Variants in CLYBL observed in about 807,000 individuals in gnomAD.
CLYBL encodes citramalyl-CoA lyase.
A neutral mutation model predicts 38.9 loss-of-function variants in CLYBL; 31 were observed. That is an observed-to-expected ratio of 0.80 (90% CI 0.60 to 1.08). CLYBL has a LOEUF of 1.08. CLYBL is among the 50% of genes least tolerant of loss of function. CLYBL has a pLI of 0.00. For synonymous variants in CLYBL, 171 were observed against 158.6 expected (o/e 1.08, Z -0.59); for missense variants, 434 against 411.6 (o/e 1.05, Z -0.47).
chr13:99,728,698 G>A (rs1890465963), intron 1 of CLYBL, among the ~76,000 whole-genome samples: 1 of 152,006 alleles, frequency 6.6e-6, no homozygotes, highest in African/African-American at 2.4e-5. Flanking sequence ...ACGTAGCTGG[G>A]ACCACAGTTG....
chr13:99,742,173 G>A (rs368971149), intron 1 of CLYBL, among the ~76,000 whole-genome samples: 4 of 152,242 alleles, frequency 2.6e-5, no homozygotes, highest in East Asian at 1.9e-4. Context: ...TGGAGCACTC[G>A]GTTCCGGGAG....
chr13:99,887,853 TG>T (rs1042549396), intron 7 of CLYBL, among the ~76,000 whole-genome samples: 8 of 99,588 alleles, frequency 8.0e-5, no homozygotes, highest in Admixed American at 4.8e-4. Context: ...TTCAGGGATT[TG>T]GGGTTTTTTT....
chr13:99,791,370 A>G (rs1401515369), intron 2 of CLYBL, among the ~76,000 whole-genome samples: 1 of 148,858 alleles, frequency 6.7e-6, no homozygotes. Flanking sequence ...TAAAAAAAAA[A>G]CAAACAAAAA....
intron 1 of CLYBL, among the ~76,000 whole-genome samples, chr13:99,711,786 G>T (rs1217576477): frequency 6.8e-6 from 1 of 148,100 alleles, no homozygotes; most frequent in Non-Finnish European, 1.5e-5. Context: ...TGCCATCTTG[G>T]CTCACGGCAA....
rs113940254 is a variant in CLYBL at position 99,870,908 on chromosome 13, G to A, written c.803-30G>A. ...TGTTTGAACATCTGTTCGTTGTTTC[G>A]TGGTTCCGATGTTATTAATATTCTT... On this transcript the variant is annotated intron_variant, in intron 6 of 8. Transcript: ENST00000339105. 1,147 of 1,566,214 alleles carry A rather than the reference G, an allele frequency of 7.3e-4. 13 individuals carry two copies. In the African/African-American group the frequency reaches 0.014, roughly 19 times the overall value.
intron 7 of CLYBL, among the ~76,000 whole-genome samples, chr13:99,888,474 G>T (rs1401826405): frequency 6.6e-6 from 1 of 152,182 alleles, no homozygotes; most frequent in Non-Finnish European, 1.5e-5. Flanking sequence ...ATGAGGCCAT[G>T]CGCAGTGGCT....
chr13:99,893,476 C>T (rs540918799), downstream of CLYBL: 5 of 152,532 alleles, frequency 3.3e-5, no homozygotes, highest in African/African-American at 1.2e-4. Flanking sequence ...CTGCCATACG[C>T]ACCCGCTGAG....
chr13:99,631,963 A>G (rs1318527585), intron 1 of CLYBL, among the ~76,000 whole-genome samples: 1 of 152,214 alleles, frequency 6.6e-6, no homozygotes, highest in Non-Finnish European at 1.5e-5. Context: ...TCAGGCAGAA[A>G]CTGGAGGAGA....
At chr13:99,752,123 C>A (rs1242636368) in intron 1 of CLYBL, among the ~76,000 whole-genome samples, 1 of 152,182 alleles carries the variant, frequency 6.6e-6, no homozygotes, top group African/African-American at 2.4e-5. Flanking sequence ...CAGGCACTCT[C>A]ATATGCCGCT....
intron 7 of CLYBL, among the ~76,000 whole-genome samples, chr13:99,883,689 T>G (rs2052275664): frequency 6.6e-6 from 1 of 152,138 alleles, no homozygotes; most frequent in African/African-American, 2.4e-5. Flanking sequence ...CCCTTAGTTT[T>G]GTGTGTCTGT....
At chr13:99,614,388 A>G (rs2046675497) in intron 1 of CLYBL, among the ~76,000 whole-genome samples, 4 of 152,196 alleles carry the variant, frequency 2.6e-5, no homozygotes, top group East Asian at 1.9e-4. Context: ...AGGCAGTTGT[A>G]TGCACATCAT....
Position 99,606,740 on chromosome 13 carries a change from G to T in CLYBL, c.45G>T (p.Ala15=). The change falls in exon 1 of 9, where the codon GCG becomes GCT. Residue 15 remains alanine (A), a synonymous_variant. Transcript: ENST00000339105. ...LLRRAARGAA[A]AALLRLKASL... Reference sequence around the variant, plus strand: ...GGAGGGCGGCGCGCGGAGCTGCGGCGGCGGCGCTGCTGAGGCTGTGAGTGC... The same window carrying T: ...GGAGGGCGGCGCGCGGAGCTGCGGCTGCGGCGCTGCTGAGGCTGTGAGTGC... 1.3e-6 allele frequency: 2 copies of T among 1,485,760 alleles called. No individual in the cohort carries two copies. The highest frequency in any genetic ancestry group is 1.8e-6 in the Non-Finnish European group (2 of 1,123,978). The allele number at this position is 1,485,760 out of a possible 1,614,324, so 92.0% of individuals were successfully genotyped here. A position where few individuals can be genotyped will look rare whatever the true frequency, so the allele number is the denominator to read the frequency against.
intron 1 of CLYBL, among the ~76,000 whole-genome samples, chr13:99,700,467 C>T (rs1406590153): frequency 6.6e-6 from 1 of 152,092 alleles, no homozygotes; most frequent in East Asian, 1.9e-4. Flanking sequence ...AACAAAACAA[C>T]AGCACCAAGG....
chr13:99,645,332 T>TA (rs1264083284), intron 1 of CLYBL, among the ~76,000 whole-genome samples: 3 of 151,826 alleles, frequency 2.0e-5, no homozygotes, highest in Admixed American at 6.6e-5. Context: ...CCGTCTCTAC[T>TA]AAAAAAATAC....
At chr13:99,753,086 T>C (rs891777750) in intron 1 of CLYBL, among the ~76,000 whole-genome samples, 7 of 151,860 alleles carry the variant, frequency 4.6e-5, no homozygotes, top group African/African-American at 1.7e-4. Context: ...CATGCTGAGA[T>C]CCAGAAGAGC....
intron 1 of CLYBL, among the ~76,000 whole-genome samples, chr13:99,688,093 A>G (rs1365000138): frequency 6.6e-6 from 1 of 152,254 alleles, no homozygotes; most frequent in Non-Finnish European, 1.5e-5. Context: ...CCTTAATTAT[A>G]TGCATTTTCA....
intron 1 of CLYBL, among the ~76,000 whole-genome samples, chr13:99,644,705 C>A (rs1234452345): frequency 6.6e-6 from 1 of 152,176 alleles, no homozygotes; most frequent in East Asian, 1.9e-4. Flanking sequence ...ATATTCTAGT[C>A]TCTGTCCCCA....
At chr13:99,790,947 T>C (rs1371263182) in intron 2 of CLYBL, among the ~76,000 whole-genome samples, 3 of 152,360 alleles carry the variant, frequency 2.0e-5, no homozygotes, top group Admixed American at 6.5e-5. Flanking sequence ...TTCTGAAGCA[T>C]AGAAGCAACT....
chr13:99,650,748 C>G (rs59120090), intron 1 of CLYBL, among the ~76,000 whole-genome samples: 20,639 of 152,104 alleles, frequency 0.14, 1,623 homozygotes, highest in African/African-American at 0.22. Flanking sequence ...CATTGTGGCT[C>G]TTTTTTTCTG....
Sources: allele counts gnomAD v4.1 joint callset (sites outside exome capture counted in the v4.1 genomes callset), GRCh38; gene constraint gnomAD v4.1.1; transcripts MANE v1.5; gene names NCBI Gene and HGNC (gene_info 2026-07-23, HGNC 2026-07-21).